The following SNAP47 variants were observed in gnomAD, a reference collection of about 807,000 sequenced individuals.
The protein encoded by SNAP47 is synaptosomal-associated protein 47.
A neutral mutation model predicts 31.4 loss-of-function variants in SNAP47; 20 were observed. The observed-to-expected ratio is 0.64, with a 90% CI of 0.45 to 0.93. The LOEUF (loss-of-function observed/expected upper bound fraction) is 0.93. Ranked by LOEUF, SNAP47 falls within the 40% of genes least tolerant of loss-of-function variation. The probability of loss-of-function intolerance (pLI) is 0.00; values close to 1 mark genes in which losing one functional copy is unlikely to be tolerated. For synonymous variants in SNAP47, 194 were observed against 213.4 expected (o/e 0.91, Z 0.79); for missense variants, 492 against 528.5 (o/e 0.93, Z 0.68).
chr1:227,735,421 T>C (rs1260235894), upstream of SNAP47: 1 of 1,542,808 alleles, frequency 6.5e-7, no homozygotes, highest in African/African-American at 1.4e-5. Context: ...TGCGCGCGGC[T>C]CGCCGCGGTC....
At chr1:227,735,306 T>G, upstream of SNAP47, 1 of 1,603,810 alleles carries the variant, frequency 6.2e-7, no homozygotes, top group Non-Finnish European at 8.5e-7. Context: ...ACCCTCCTCC[T>G]CACTTCCGCC....
chr1:227,732,284 G>C (rs145226245), upstream of SNAP47: 4 of 1,338,706 alleles, frequency 3.0e-6, no homozygotes, highest in East Asian at 2.3e-5. Flanking sequence ...CACAAGCCTC[G>C]ACAGGGGTGG....
intron 4 of SNAP47, chr1:227,768,326 G>A (rs1225883094): frequency 5.1e-6 from 5 of 985,342 alleles, no homozygotes; most frequent in Admixed American, 1.2e-4. Context: ...TGTCCACGCA[G>A]GGCATGGGCT....
At position 227,762,057 on chromosome 1, in the gene SNAP47, C is replaced by G. The variant is rs566958964; in HGVS notation, c.988+2572C>G. Among the ~76,000 whole-genome samples, 1 of 152,184 alleles carries G rather than the reference C, an allele frequency of 6.6e-6. No homozygotes were observed. Among genetic ancestry groups the G allele is most frequent in the South Asian group, 2.1e-4 (1 of 4,836 alleles). On this transcript the variant is annotated intron_variant, in intron 3 of 4. Coordinates refer to ENST00000617596, the MANE Select transcript of SNAP47 (RefSeq NM_053052.4). This position sits in a 1 kb window ranked among gnomAD's most constrained non-coding sequence, Gnocchi z 4.2. ...TGTGGGTTGTAGCCACAGCGAGCAC[C>G]GTCTTTTCACTTGCACAGCTGCACC...
upstream of SNAP47, chr1:227,732,746 C>T (rs751748): frequency 0.18 from 281,473 of 1,592,424 alleles, 25,471 homozygotes; most frequent in East Asian, 0.24. Flanking sequence ...ACCCGACATG[C>T]GCCCAGTCCC....
At chr1:227,755,247 G>A (rs1662622640) in intron 2 of SNAP47, among the ~76,000 whole-genome samples, 1 of 152,058 alleles carries the variant, frequency 6.6e-6, no homozygotes, top group African/African-American at 2.4e-5. Context: ...TCCGTCACTT[G>A]GGCTGGAGTG....
intron 4 of SNAP47, among the ~76,000 whole-genome samples, chr1:227,779,065 GC>G (rs1303267183): frequency 2.0e-5 from 3 of 152,210 alleles, no homozygotes; most frequent in Non-Finnish European, 4.4e-5. Context: ...TGGGCAGCTG[GC>G]CGGGGAAGGG....
chr1:227,733,058 G>T (rs759187928), upstream of SNAP47: 1 of 1,610,446 alleles, frequency 6.2e-7, no homozygotes, highest in South Asian at 1.1e-5. Context: ...GCAGGCCTGA[G>T]CCCATGGCAG....
chr1:227,773,578 C>G (rs192773978), intron 4 of SNAP47, among the ~76,000 whole-genome samples: 2 of 152,376 alleles, frequency 1.3e-5, no homozygotes, highest in African/African-American at 4.8e-5. Flanking sequence ...TCACCACACA[C>G]CCAGGGCCGC....
At chr1:227,733,782 G>A (rs1660844991), upstream of SNAP47, 2 of 1,583,116 alleles carry the variant, frequency 1.3e-6, no homozygotes, top group African/African-American at 1.3e-5. Context: ...GTGGCCCCTT[G>A]GTCTCAAGGG....
intron 1 of SNAP47, among the ~76,000 whole-genome samples, chr1:227,742,032 AT>A (rs1661643379): frequency 6.9e-6 from 1 of 145,236 alleles, no homozygotes; most frequent in African/African-American, 2.6e-5. Context: ...TTTTTATTTT[AT>A]TTTATTATTA....
chr1:227,738,400 A>T (rs138086122), intron 1 of SNAP47, among the ~76,000 whole-genome samples: 93 of 152,024 alleles, frequency 6.1e-4, no homozygotes, highest in African/African-American at 2.0e-3. Context: ...CTTCACACAT[A>T]CATTCATTCA....
At chr1:227,761,847 G>C (rs982075063) in intron 3 of SNAP47, among the ~76,000 whole-genome samples, 2 of 152,156 alleles carry the variant, frequency 1.3e-5, no homozygotes, top group Non-Finnish European at 2.9e-5. Flanking sequence ...TGGCTGCACC[G>C]TGGTGGCGAG....
chr1:227,734,842 C>A (rs1336920354), upstream of SNAP47: 2 of 1,612,740 alleles, frequency 1.2e-6, no homozygotes, highest in South Asian at 2.2e-5. Flanking sequence ...CGGTCCATGC[C>A]ATCTCCCTGG....
intron 2 of SNAP47, among the ~76,000 whole-genome samples, chr1:227,754,693 C>A (rs758579947): frequency 7.9e-5 from 12 of 152,272 alleles, no homozygotes; most frequent in South Asian, 2.1e-4. Context: ...GTGATCAGAG[C>A]TGGTGGCCTG....
rs1467189218 is a variant in SNAP47 at position 227,763,870 on chromosome 1, C to T, written c.989-3089C>T. Among the ~76,000 whole-genome samples, 2 of 152,206 alleles carry T rather than the reference C, an allele frequency of 1.3e-5. No homozygotes were observed. The highest frequency in any genetic ancestry group is 4.8e-5 in the African/African-American group (2 of 41,458). On this transcript the variant is annotated intron_variant, in intron 3 of 4. Transcript: ENST00000617596. This position sits in a 1 kb window ranked among gnomAD's most constrained non-coding sequence, Gnocchi z 4.2. ...GACAGACAGGCTGGTGGCCCAGGTCCCCGCTCCCAGGCAGGTGCAGGCAGC... is the reference window on the plus strand; with the variant it reads ...GACAGACAGGCTGGTGGCCCAGGTCTCCGCTCCCAGGCAGGTGCAGGCAGC...
intron 2 of SNAP47, among the ~76,000 whole-genome samples, chr1:227,753,148 CTG>C (rs1662485182): frequency 6.6e-6 from 1 of 152,230 alleles, no homozygotes; most frequent in Admixed American, 6.5e-5. Flanking sequence ...ATCCATCCGT[CTG>C]TGGATGGACA....
rs1371069104 is a variant in SNAP47 at position 227,759,302 on chromosome 1, C to T, written c.805C>T (p.Arg269Cys). 19 of 1,614,084 alleles carry T rather than the reference C, an allele frequency of 1.2e-5. No homozygotes were observed. Among genetic ancestry groups the T allele is most frequent in the Admixed American group, 5.0e-5 (3 of 60,004 alleles). ...CCACTCACCTTACGAAATTAGCATC[C>T]GCCAGCGGTTTATTGGAAAGCCAGA... ...KVHSPYEISI[R>C]QRFIGKPDMA... Residue 269 changes from arginine to cysteine, a missense_variant, in exon 3 of 5, where the codon CGC (arginine) becomes TGC (cysteine). By Grantham distance (180) the Arg-to-Cys change is radical. Coordinates refer to ENST00000617596, the MANE Select transcript of SNAP47 (RefSeq NM_053052.4).
intron 2 of SNAP47, among the ~76,000 whole-genome samples, chr1:227,748,509 C>T (rs1034816545): frequency 6.6e-6 from 1 of 152,260 alleles, no homozygotes; most frequent in African/African-American, 2.4e-5. Flanking sequence ...CACTGCCGTC[C>T]ACTGCACCAT....
Sources: gnomAD v4.1 joint callset for allele counts (sites outside exome capture counted in the v4.1 genomes callset) on GRCh38, gnomAD v4.1.1 for gene constraint, Gnocchi (gnomAD v3.1) non-coding constraint, MANE v1.5 for transcripts, NCBI Gene and HGNC (gene_info 2026-07-23, HGNC 2026-07-21) for gene names.